Variants in EXOSC7 observed in about 807,000 individuals in gnomAD.
EXOSC7 encodes exosome complex component RRP42.
Under a neutral mutation model 34.3 loss-of-function variants are expected in EXOSC7, and 25 were observed. That is an observed-to-expected ratio of 0.73 (90% CI 0.53 to 1.02). The LOEUF (loss-of-function observed/expected upper bound fraction) is 1.02, where lower values mean the gene tolerates loss of function less well. Among genes scored for constraint, EXOSC7 ranks in the 50% least tolerant of loss-of-function variants. The probability of loss-of-function intolerance (pLI) is 0.00; values close to 1 mark genes in which losing one functional copy is unlikely to be tolerated. For synonymous variants in EXOSC7, 130 were observed against 143.0 expected (o/e 0.91, Z 0.65); for missense variants, 370 against 368.5 (o/e 1.00, Z -0.03).
At position 45,007,549 on chromosome 3, in the gene EXOSC7, C is replaced by A; in HGVS notation, c.745C>A (p.Pro249Thr). The change falls in exon 7 of 8, where the codon CCA becomes ACA. Residue 249 changes from proline (P) to threonine (T), a missense_variant. Around this residue, in one of 3 missense-constraint regions of EXOSC7, gnomAD observed 255 missense variants for 246.4 expected, o/e 1.03. Transcript: ENST00000265564. ...MRKVGKGSLD[P>T]ESIFEMMETG... ...GAAAGTGGGGAAGGGCAGCCTGGAC[C>A]CAGAGAGCATCTTCGAGATGATGGA... The A allele has an allele frequency of 6.2e-7, 1 of 1,611,804 alleles. No individual in the cohort carries two copies.
At chr3:44,990,294 GA>G (rs58957725) in intron 3 of EXOSC7, among the ~76,000 whole-genome samples, 72,108 of 152,010 alleles carry the variant, frequency 0.47, 17,713 homozygotes, top group East Asian at 0.84. Flanking sequence ...GAAATGAATA[GA>G]GTGAGTACCT....
At chr3:44,989,473 T>A in intron 2 of EXOSC7, 77 bp from the exon 3 acceptor site, 1 of 1,188,520 alleles carries the variant, frequency 8.4e-7, no homozygotes, top group Non-Finnish European at 1.3e-6. Context: ...CAGGGGTGTA[T>A]GTCCAGAAGA....
At chr3:45,006,161 T>A (rs1262120490) in intron 6 of EXOSC7, among the ~76,000 whole-genome samples, 1 of 125,936 alleles carries the variant, frequency 7.9e-6, no homozygotes, top group Non-Finnish European at 1.6e-5. Flanking sequence ...CACTGCAACC[T>A]CCGCCTCCCA....
intron 5 of EXOSC7, among the ~76,000 whole-genome samples, chr3:45,002,689 G>A (rs1311425522): frequency 6.6e-6 from 1 of 152,140 alleles, no homozygotes; most frequent in Non-Finnish European, 1.5e-5. Flanking sequence ...ACATTTACCT[G>A]TTTTTTAGAG....
intron 1 of EXOSC7, among the ~76,000 whole-genome samples, chr3:44,977,737 C>T (rs1559739053): frequency 6.6e-6 from 1 of 152,184 alleles, no homozygotes; most frequent in Non-Finnish European, 1.5e-5. Context: ...GGACACATTA[C>T]GGATAACCGT....
chr3:44,986,989 T>C (rs1434325676), intron 1 of EXOSC7, among the ~76,000 whole-genome samples: 1 of 152,024 alleles, frequency 6.6e-6, no homozygotes, highest in African/African-American at 2.4e-5. Flanking sequence ...AGCTAATGAT[T>C]CTTTTTCTGA....
chr3:44,980,114 G>C (rs1706235950), intron 1 of EXOSC7, among the ~76,000 whole-genome samples: 1 of 151,824 alleles, frequency 6.6e-6, no homozygotes, highest in Non-Finnish European at 1.5e-5. Flanking sequence ...CATAGTCTTC[G>C]ATAGATGCAG....
chr3:44,983,002 T>C (rs1198537455), intron 1 of EXOSC7, among the ~76,000 whole-genome samples: 1 of 152,108 alleles, frequency 6.6e-6, no homozygotes, highest in African/African-American at 2.4e-5. Context: ...TAGTCTCACT[T>C]CTCCTTTAGG....
chr3:45,006,409 T>A (rs1235483838), intron 6 of EXOSC7, among the ~76,000 whole-genome samples: 1 of 126,188 alleles, frequency 7.9e-6, no homozygotes, highest in Non-Finnish European at 1.7e-5. Context: ...TATTTGTTTT[T>A]TTTTTTTTTT....
At chr3:45,003,237 C>T (rs1405630740) in intron 5 of EXOSC7, among the ~76,000 whole-genome samples, 1 of 152,100 alleles carries the variant, frequency 6.6e-6, no homozygotes, top group Non-Finnish European at 1.5e-5. Context: ...ATTCAGGGTC[C>T]TTTAGAAGGG....
At chr3:44,998,878 G>A (rs904858078) in intron 4 of EXOSC7, among the ~76,000 whole-genome samples, 1 of 152,204 alleles carries the variant, frequency 6.6e-6, no homozygotes, top group East Asian at 1.9e-4. Flanking sequence ...TCCTTACTGA[G>A]GATGGTAGAG....
intron 4 of EXOSC7, among the ~76,000 whole-genome samples, chr3:44,998,101 T>C: frequency 6.6e-6 from 1 of 150,640 alleles, no homozygotes; most frequent in East Asian, 1.9e-4. Flanking sequence ...AATGGCGTGA[T>C]CTTGGCTCAC....
chr3:45,010,459 C>A (rs1232059574), intron 7 of EXOSC7, among the ~76,000 whole-genome samples: 1 of 152,158 alleles, frequency 6.6e-6, no homozygotes, highest in Non-Finnish European at 1.5e-5. Context: ...GTTGCCCAGT[C>A]TGGTCTTGAT....
chr3:45,006,441 G>A (rs1707046544), intron 6 of EXOSC7, among the ~76,000 whole-genome samples: 1 of 110,692 alleles, frequency 9.0e-6, no homozygotes. Flanking sequence ...ACAGAGTCTC[G>A]CTCTGTCGCC....
At chr3:45,000,611 G>A (rs1000942947) in intron 4 of EXOSC7, among the ~76,000 whole-genome samples, 1 of 152,224 alleles carries the variant, frequency 6.6e-6, no homozygotes, top group African/African-American at 2.4e-5. Context: ...GCTTGTCTGA[G>A]AGACTTTAGT....
intron 4 of EXOSC7, among the ~76,000 whole-genome samples, chr3:44,998,955 C>G (rs1218994835): frequency 6.6e-6 from 1 of 152,162 alleles, no homozygotes; most frequent in African/African-American, 2.4e-5. Flanking sequence ...CATCCTGTGT[C>G]TGAAGAAGTT....
chr3:45,005,170 G>A lies in EXOSC7; in HGVS notation c.492-121G>A, dbSNP rs1200356143. On this transcript the variant is annotated intron_variant, in intron 5 of 7. Coordinates refer to ENST00000265564, the MANE Select transcript of EXOSC7 (RefSeq NM_015004.4). The stretch of plus-strand genomic sequence containing the variant: ...GGATGACAGGGATGAGGATGATAAA[G>A]AATAGGCATAGCGTGTCTTTCTCTT... 3.5e-6 allele frequency: 4 copies of A among 1,142,820 alleles called. No homozygotes were observed. The Admixed American group carries it at 5.6e-5, about 16-fold the overall frequency. The allele number at this position is 1,142,820 out of a possible 1,614,324, so 70.8% of individuals were successfully genotyped here.
intron 7 of EXOSC7, among the ~76,000 whole-genome samples, chr3:45,010,282 C>T (rs553074258): frequency 9.9e-5 from 15 of 152,280 alleles, no homozygotes; most frequent in Middle Eastern, 3.4e-3. Context: ...GGGTCTTGCT[C>T]TGTTATCCAG....
intron 1 of EXOSC7, among the ~76,000 whole-genome samples, chr3:44,988,395 G>T (rs1706477227): frequency 6.6e-6 from 1 of 152,186 alleles, no homozygotes; most frequent in Non-Finnish European, 1.5e-5. Flanking sequence ...ATGGGCAGAA[G>T]GAACAGGCAG....
Sources: gnomAD v4.1 joint callset for allele counts (sites outside exome capture counted in the v4.1 genomes callset) on GRCh38, gnomAD v4.1.1 for gene constraint, gnomAD v4.1.1 regional missense constraint, MANE v1.5 for transcripts, NCBI Gene and HGNC (gene_info 2026-07-23, HGNC 2026-07-21) for gene names.